The following DAPK2 variants were observed in gnomAD, a reference collection of about 807,000 sequenced individuals.
The protein encoded by DAPK2 is death associated protein kinase 2.
Under a neutral mutation model 44.1 loss-of-function variants are expected in DAPK2, and 35 were observed. The ratio of observed to expected loss-of-function variants is 0.79; its 90% confidence interval spans 0.61 to 1.05. The LOEUF (loss-of-function observed/expected upper bound fraction) is 1.05, where lower values mean the gene tolerates loss of function less well. Ranked by LOEUF, DAPK2 falls within the 50% of genes least tolerant of loss-of-function variation. The pLI, the probability that DAPK2 is intolerant of heterozygous loss-of-function variation, is 0.00. For missense variants in DAPK2, 453 were observed against 483.2 expected, an observed-to-expected ratio of 0.94 and a Z score of 0.59; for synonymous variants, 174 against 182.6, an observed-to-expected ratio of 0.95 and a Z score of 0.38.
chr15:63,970,408 C>T (rs1330853454), intron 3 of DAPK2, among the ~76,000 whole-genome samples: 1 of 152,186 alleles, frequency 6.6e-6, no homozygotes, highest in Non-Finnish European at 1.5e-5. Flanking sequence ...TCCTTCAGAA[C>T]TCAACTACAT....
intron 1 of DAPK2, among the ~76,000 whole-genome samples, chr15:63,991,030 C>G (rs1205579725): frequency 6.6e-6 from 1 of 152,182 alleles, no homozygotes; most frequent in Non-Finnish European, 1.5e-5. Context: ...CATCCATCTT[C>G]CAGCCAGGCC....
chr15:64,022,829 G>A (rs1302805824), intron 1 of DAPK2, among the ~76,000 whole-genome samples: 1 of 152,150 alleles, frequency 6.6e-6, no homozygotes, highest in Non-Finnish European at 1.5e-5. Context: ...GAATACTTGT[G>A]TGTGTGTATT....
At chr15:64,027,493 C>G (rs749770420) in intron 1 of DAPK2, among the ~76,000 whole-genome samples, 1 of 151,862 alleles carries the variant, frequency 6.6e-6, no homozygotes, top group African/African-American at 2.4e-5. Context: ...CCAAGGAGGT[C>G]AGAAGCTGCA....
Position 63,908,762 on chromosome 15 carries a change from G to T in DAPK2, c.1033-162C>A. Reference sequence around the variant, plus strand: ...CTGCTGATCCATCCAGGGGCTGGGGGATGGGAGGGATCTGAAACGAGGCCA... The same window carrying T: ...CTGCTGATCCATCCAGGGGCTGGGGTATGGGAGGGATCTGAAACGAGGCCA... On this transcript the variant is annotated intron_variant, in intron 10 of 10. Transcript: ENST00000261891. The surrounding 1 kb of genome is among the most constrained non-coding windows in gnomAD (Gnocchi z 5.7). 2.1e-6 allele frequency: 1 copy of T among 483,396 alleles called. No individual in the cohort carries two copies. Among genetic ancestry groups the T allele is most frequent in the Admixed American group, 4.0e-5 (1 of 25,120 alleles). 29.9% of individuals were successfully genotyped at this position (483,396 alleles called of 1,614,324 possible).
chr15:63,995,042 TATC>T (rs1380166214), intron 1 of DAPK2, among the ~76,000 whole-genome samples: 1 of 152,194 alleles, frequency 6.6e-6, no homozygotes, highest in African/African-American at 2.4e-5. Flanking sequence ...GGCTGTATAA[TATC>T]ATATTATACA....
chr15:63,926,157 C>G lies in DAPK2; in HGVS notation c.660-64G>C. 3 of 1,540,682 alleles carry G rather than the reference C, an allele frequency of 1.9e-6. No individual in the cohort carries two copies. The South Asian group carries it at 3.8e-5, about 19-fold the overall frequency. ...AGTAGGTGGAAATGGGGATTACGGA[C>G]TCGGGGAACCCTGCCCCATGACTGC... is the stretch of plus-strand genomic sequence containing the variant. On this transcript the variant is annotated intron_variant, in intron 6 of 10. Coordinates refer to ENST00000261891, the Ensembl canonical transcript of DAPK2.
At position 64,013,391 on chromosome 15, in the gene DAPK2, T is replaced by G; in HGVS notation, c.92+26779A>C. Among the ~76,000 whole-genome samples, 1 of 152,322 alleles carries G rather than the reference T, an allele frequency of 6.6e-6. No individual in the cohort carries two copies. Among genetic ancestry groups the G allele is most frequent in the East Asian group, 1.9e-4 (1 of 5,184 alleles). On this transcript the variant is annotated intron_variant, in intron 1 of 10. Coordinates refer to ENST00000261891, the Ensembl canonical transcript of DAPK2. The surrounding 1 kb of genome is among the most constrained non-coding windows in gnomAD (Gnocchi z 4.7). ...TCTTAAGAGGCCAGGAACTAACAGC[T>G]TAAACTACACTACGTGCCTTTAAGA...
chr15:64,035,708 T>C (rs2080161110), intron 1 of DAPK2, among the ~76,000 whole-genome samples: 1 of 152,200 alleles, frequency 6.6e-6, no homozygotes, highest in South Asian at 2.1e-4. Flanking sequence ...TGCCAAACAT[T>C]TCTGCAAGCC....
intron 1 of DAPK2, among the ~76,000 whole-genome samples, chr15:63,998,861 A>C (rs1253909719): frequency 6.6e-6 from 1 of 152,224 alleles, no homozygotes; most frequent in Non-Finnish European, 1.5e-5. Context: ...GAGTCTTGAG[A>C]GCAAGCACCG....
Position 63,925,938 on chromosome 15 carries a change from T to C in DAPK2, c.812+3A>G. 1 of 1,614,096 alleles carries C rather than the reference T, an allele frequency of 6.2e-7. No individual in the cohort carries two copies. The highest frequency in any genetic ancestry group is 8.5e-7 in the Non-Finnish European group (1 of 1,179,990). On this transcript the variant is annotated splice_donor_region_variant and intron_variant, in intron 7 of 10. Coordinates refer to ENST00000261891, the Ensembl canonical transcript of DAPK2. ...GAAACCAGTGGCTTCTCTGTCCTCT[T>C]ACCGGGTCTCTTTAACCAGAAGCTT...
chr15:63,919,878 G>C (rs1163207292), intron 8 of DAPK2: 2 of 152,168 alleles, frequency 1.3e-5, no homozygotes, highest in African/African-American at 4.8e-5. Flanking sequence ...TGAAGGTCAA[G>C]GTCTGTTAAC....
chr15:63,935,089 C>CT lies in DAPK2; in HGVS notation c.583+4142dup, dbSNP rs35739549. ...TTTGTTTTTCTTAAATCTTTGCCTTCTTTTTTTTTTTTTTTTCCTGATACA... is the reference window on the plus strand; with the variant it reads ...TTTGTTTTTCTTAAATCTTTGCCTTCTTTTTTTTTTTTTTTTTCCTGATACA... On this transcript the variant is annotated intron_variant, in intron 4 of 10. Transcript: ENST00000261891. Among the ~76,000 whole-genome samples the CT allele has an allele frequency of 4.4e-3, 545 of 124,468 alleles. 17 individuals carry two copies. Among genetic ancestry groups the CT allele is most frequent in the East Asian group, 0.011 (50 of 4,390 alleles). 81.7% of individuals were successfully genotyped at this position (124,468 alleles called of 152,430 possible).
At chr15:63,911,977 G>T in exon 10 of DAPK2, 4 of 1,613,948 alleles carry the variant, frequency 2.5e-6, no homozygotes, top group Non-Finnish European at 3.4e-6. Flanking sequence ...ACAGGGACAC[G>T]ATGCTGAAGG....
At chr15:64,000,404 A>G (rs57627942) in intron 1 of DAPK2, among the ~76,000 whole-genome samples, 6,561 of 152,254 alleles carry the variant, frequency 0.043, 481 homozygotes, top group African/African-American at 0.15. Context: ...GACTCCTGAG[A>G]TGTCACCATC....
Position 63,972,522 on chromosome 15 carries a change from G to A in DAPK2, c.315-961C>T, listed in dbSNP as rs541565349. Among the ~76,000 whole-genome samples, 4 of 152,328 alleles carry A rather than the reference G, an allele frequency of 2.6e-5. No individual in the cohort carries two copies. In the East Asian group the frequency reaches 5.8e-4, roughly 22 times the overall value. On this transcript the variant is annotated intron_variant, in intron 2 of 10. Transcript: ENST00000261891. The stretch of plus-strand genomic sequence containing the variant: ...TTCTGATAATGTCTCAGATGGATAT[G>A]AGGAACATGTTACTGGTCTGGTCAA...
chr15:63,953,592 A>G (rs916924294), intron 3 of DAPK2, among the ~76,000 whole-genome samples: 4 of 152,218 alleles, frequency 2.6e-5, no homozygotes, highest in South Asian at 2.1e-4. Flanking sequence ...ACAAGTGCAG[A>G]TATTTCTCCA....
At chr15:63,962,259 GT>G (rs957901028) in intron 3 of DAPK2, among the ~76,000 whole-genome samples, 119 of 152,188 alleles carry the variant, frequency 7.8e-4, no homozygotes, top group African/African-American at 2.7e-3. Context: ...TTTTTTCAAG[GT>G]TTTTAGCTTA....
chr15:63,982,477 T>C (rs943395605), intron 2 of DAPK2, among the ~76,000 whole-genome samples: 5 of 150,456 alleles, frequency 3.3e-5, no homozygotes, highest in Non-Finnish European at 7.4e-5. Flanking sequence ...CATGAGCCAC[T>C]GCACCAGGCC....
chr15:63,932,001 C>A (rs1022186536), intron 4 of DAPK2, among the ~76,000 whole-genome samples: 1 of 151,394 alleles, frequency 6.6e-6, no homozygotes, highest in Non-Finnish European at 1.5e-5. Context: ...CCCATCTCTA[C>A]TAAAAATAAA....
Sources: allele counts gnomAD v4.1 joint callset (sites outside exome capture counted in the v4.1 genomes callset), GRCh38; gene constraint gnomAD v4.1.1; non-coding constraint Gnocchi (gnomAD v3.1); transcripts MANE v1.5; gene names NCBI Gene and HGNC (gene_info 2026-07-23, HGNC 2026-07-21).